SMYD3: variants seen among roughly 807,000 people sequenced by gnomAD.
SMYD3 encodes the protein SET and MYND domain containing 3.
SMYD3 carries 36 observed loss-of-function variants against 57.7 expected under a neutral mutation model. The ratio of observed to expected loss-of-function variants is 0.62; its 90% CI spans 0.48 to 0.82. The LOEUF (loss-of-function observed/expected upper bound fraction) is 0.82, where lower values mean the gene tolerates loss of function less well. Ranked by LOEUF, SMYD3 falls within the 40% of genes least tolerant of loss-of-function variation. The pLI, the probability that SMYD3 is intolerant of heterozygous loss-of-function variation, is 0.00. For synonymous variants in SMYD3, 211 were observed against 195.0 expected (o/e 1.08, Z -0.68); for missense variants, 515 against 538.8 (o/e 0.96, Z 0.44).
intron 5 of SMYD3, among the ~76,000 whole-genome samples, chr1:245,964,919 A>T (rs1265522415): frequency 1.3e-5 from 2 of 152,158 alleles, no homozygotes; most frequent in African/African-American, 4.8e-5. Flanking sequence ...ATTCAAAACA[A>T]TAATGACTGA....
At chr1:246,248,347 G>A (rs1439173149) in intron 5 of SMYD3, among the ~76,000 whole-genome samples, 2 of 152,060 alleles carry the variant, frequency 1.3e-5, no homozygotes, top group Admixed American at 1.3e-4. Context: ...TTCGGATTTT[G>A]AAGGGATTTC....
At chr1:246,114,717 G>A (rs764716564) in intron 5 of SMYD3, among the ~76,000 whole-genome samples, 2 of 150,914 alleles carry the variant, frequency 1.3e-5, no homozygotes, top group Non-Finnish European at 3.0e-5. Flanking sequence ...TGCAACCTCT[G>A]CCTACCAGGT....
At chr1:245,920,215 A>T (rs920788502) in intron 7 of SMYD3, among the ~76,000 whole-genome samples, 1 of 148,660 alleles carries the variant, frequency 6.7e-6, no homozygotes, top group Non-Finnish European at 1.5e-5. Flanking sequence ...CGGGAGGCAG[A>T]GGCAGGAGGA....
chr1:245,831,791 C>T (rs2049848801), intron 10 of SMYD3, among the ~76,000 whole-genome samples: 1 of 152,208 alleles, frequency 6.6e-6, no homozygotes, highest in Non-Finnish European at 1.5e-5. Flanking sequence ...GGCCACCCCT[C>T]AAACTGGCCC....
Position 246,200,796 on chromosome 1 carries a change from C to G in SMYD3, c.531+126405G>C, listed in dbSNP as rs185826313. ...CTTTTGACGTGGGTATTATCAACCC[C>G]ATCTTTCTAGAGCCGAAAATGAAGT... On this transcript the variant is annotated intron_variant, in intron 5 of 11. Coordinates refer to ENST00000490107, the MANE Select transcript of SMYD3 (RefSeq NM_001167740.2). Among the ~76,000 whole-genome samples, 134 of 152,274 alleles carry G rather than the reference C, an allele frequency of 8.8e-4. 2 individuals carry two copies. The highest frequency in any genetic ancestry group is 3.2e-3 in the African/African-American group (132 of 41,562).
chr1:245,828,811 T>C (rs2049661538), intron 10 of SMYD3, among the ~76,000 whole-genome samples: 1 of 152,132 alleles, frequency 6.6e-6, no homozygotes, highest in Non-Finnish European at 1.5e-5. Flanking sequence ...CAAGCATTTC[T>C]TGTGCCTCAG....
At chr1:246,193,845 C>A (rs910702008) in intron 5 of SMYD3, 1 of 152,224 alleles carries the variant, frequency 6.6e-6, no homozygotes, top group African/African-American at 2.4e-5. Flanking sequence ...CTCTTTAATT[C>A]TAGGCCTTCT....
intron 2 of SMYD3, among the ~76,000 whole-genome samples, chr1:246,341,478 G>T (rs2065632330): frequency 6.6e-6 from 1 of 152,054 alleles, no homozygotes; most frequent in East Asian, 1.9e-4. Flanking sequence ...CATGAAACAG[G>T]TGTTCAATAC....
intron 5 of SMYD3, among the ~76,000 whole-genome samples, chr1:246,133,181 A>C (rs755251033): frequency 1.5e-4 from 23 of 152,066 alleles, no homozygotes; most frequent in Non-Finnish European, 2.6e-4. Context: ...TAGTATCTAG[A>C]ATATATAAAG....
At chr1:246,242,776 CA>C (rs1160180476) in intron 5 of SMYD3, among the ~76,000 whole-genome samples, 4 of 143,382 alleles carry the variant, frequency 2.8e-5, no homozygotes, top group African/African-American at 7.6e-5. Context: ...AAATGGAAAA[CA>C]AAAAAAAAGC....
chr1:245,923,275 A>G (rs2056116159), intron 7 of SMYD3, among the ~76,000 whole-genome samples: 1 of 152,136 alleles, frequency 6.6e-6, no homozygotes, highest in Admixed American at 6.5e-5. Flanking sequence ...AAAAAACAGT[A>G]ACATTTGTAA....
At chr1:246,068,384 A>G (rs918362782) in intron 5 of SMYD3, among the ~76,000 whole-genome samples, 3 of 152,114 alleles carry the variant, frequency 2.0e-5, no homozygotes, top group South Asian at 4.2e-4. Flanking sequence ...CTTCAAATCT[A>G]TGTTTTATAA....
At chr1:245,906,972 A>C (rs979274997) in intron 8 of SMYD3, among the ~76,000 whole-genome samples, 4 of 152,250 alleles carry the variant, frequency 2.6e-5, no homozygotes, top group African/African-American at 9.6e-5. Context: ...TTATTACTAA[A>C]AAATCACATG....
intron 5 of SMYD3, among the ~76,000 whole-genome samples, chr1:246,171,414 G>A (rs1340664641): frequency 6.6e-6 from 1 of 152,132 alleles, no homozygotes; most frequent in African/African-American, 2.4e-5. Flanking sequence ...GGTAGGGAGT[G>A]CCGGTGTCAT....
At chr1:246,125,191 T>G (rs915571123) in intron 5 of SMYD3, among the ~76,000 whole-genome samples, 1 of 152,244 alleles carries the variant, frequency 6.6e-6, no homozygotes, top group Non-Finnish European at 1.5e-5. Flanking sequence ...GCAGCATATT[T>G]AACACTGTGA....
At chr1:245,855,323 T>TG (rs35484223) in intron 10 of SMYD3, among the ~76,000 whole-genome samples, 80,326 of 151,156 alleles carry the variant, frequency 0.53, 24,853 homozygotes, top group Middle Eastern at 0.72. Flanking sequence ...TTTTAGGGGC[T>TG]GGGGGGGGAA....
At chr1:246,095,011 C>T (rs1179603604) in intron 5 of SMYD3, among the ~76,000 whole-genome samples, 1 of 152,104 alleles carries the variant, frequency 6.6e-6, no homozygotes, top group Non-Finnish European at 1.5e-5. Context: ...CGTCTTGATC[C>T]TCTTCTGCTC....
At chr1:245,774,416 G>GA (rs1182051484) in intron 10 of SMYD3, among the ~76,000 whole-genome samples, 1 of 152,178 alleles carries the variant, frequency 6.6e-6, no homozygotes. Flanking sequence ...CCAGTGGAAT[G>GA]ACATCTTCCA....
At chr1:246,327,931 C>T (rs903249669) in intron 4 of SMYD3, among the ~76,000 whole-genome samples, 5 of 152,202 alleles carry the variant, frequency 3.3e-5, no homozygotes, top group African/African-American at 1.2e-4. Flanking sequence ...CCGTGACTCA[C>T]GCCTGTAACC....
Sources: allele counts gnomAD v4.1 joint callset (sites outside exome capture counted in the v4.1 genomes callset), GRCh38; gene constraint gnomAD v4.1.1; transcripts MANE v1.5; gene names NCBI Gene and HGNC (gene_info 2026-07-23, HGNC 2026-07-21).